LRRC4C: variants seen among roughly 807,000 people sequenced by gnomAD.
LRRC4C encodes the protein leucine rich repeat containing 4C, also known as leucine-rich repeat-containing protein 4C.
A neutral mutation model predicts 33.6 loss-of-function variants in LRRC4C; 5 were observed. The observed-to-expected ratio is 0.15, with a 90% CI of 0.08 to 0.31. The LOEUF (loss-of-function observed/expected upper bound fraction) is 0.31. Among genes scored for constraint, LRRC4C ranks in the 10% least tolerant of loss-of-function variants. The pLI, the probability that LRRC4C is intolerant of heterozygous loss-of-function variation, is 1.00. For missense variants in LRRC4C, 560 were observed against 796.7 expected, an observed-to-expected ratio of 0.70 and a Z score of 3.58; for synonymous variants, 329 against 302.0, an observed-to-expected ratio of 1.09 and a Z score of -0.93.
At chr11:40,726,861 A>G (rs552377842) in intron 2 of LRRC4C, among the ~76,000 whole-genome samples, 5 of 152,264 alleles carry the variant, frequency 3.3e-5, no homozygotes, top group East Asian at 1.9e-4. Context: ...AAAACCCTAA[A>G]AACTCTGCCA....
At chr11:40,761,435 G>C (rs565632256) in intron 2 of LRRC4C, among the ~76,000 whole-genome samples, 3 of 152,114 alleles carry the variant, frequency 2.0e-5, no homozygotes, top group Admixed American at 1.3e-4. Flanking sequence ...TATGTGAAGG[G>C]GTTGAGCTGA....
At chr11:40,510,001 G>T (rs1955231291) in intron 3 of LRRC4C, among the ~76,000 whole-genome samples, 1 of 151,948 alleles carries the variant, frequency 6.6e-6, no homozygotes, top group South Asian at 2.1e-4. Flanking sequence ...TGCACTTTAG[G>T]TCAGGTAATT....
At chr11:40,644,082 T>G (rs1055724778) in intron 3 of LRRC4C, among the ~76,000 whole-genome samples, 9 of 152,300 alleles carry the variant, frequency 5.9e-5, no homozygotes, top group African/African-American at 2.2e-4. Flanking sequence ...TGACTTCAGT[T>G]TCATACCTTA....
intron 1 of LRRC4C, among the ~76,000 whole-genome samples, chr11:41,299,136 G>T (rs986009398): frequency 6.6e-6 from 1 of 152,040 alleles, no homozygotes; most frequent in African/African-American, 2.4e-5. Context: ...GTTCCCTTGG[G>T]TATATACCTA....
intron 4 of LRRC4C, among the ~76,000 whole-genome samples, chr11:40,303,408 G>A (rs1944876729): frequency 6.6e-6 from 1 of 152,114 alleles, no homozygotes; most frequent in African/African-American, 2.4e-5. Flanking sequence ...CTATGAACAT[G>A]GGATGGGCTT....
At chr11:40,950,967 G>A (rs146999957) in intron 1 of LRRC4C, among the ~76,000 whole-genome samples, 6 of 151,250 alleles carry the variant, frequency 4.0e-5, no homozygotes, top group African/African-American at 7.3e-5. Flanking sequence ...TAAAGGCTTT[G>A]TGATATTTTT....
intron 3 of LRRC4C, among the ~76,000 whole-genome samples, chr11:40,609,069 A>AACTAGTAGACATAT (rs1960928833): frequency 6.6e-6 from 1 of 152,114 alleles, no homozygotes; most frequent in Non-Finnish European, 1.5e-5. Context: ...AGATGAATGG[A>AACTAGTAGACATAT]ACTAGTAGAC....
chr11:41,398,529 G>A (rs1953906979), intron 1 of LRRC4C, among the ~76,000 whole-genome samples: 1 of 151,870 alleles, frequency 6.6e-6, no homozygotes, highest in South Asian at 2.1e-4. Flanking sequence ...TCCTAGAAAT[G>A]CAAACAGGAA....
intron 1 of LRRC4C, among the ~76,000 whole-genome samples, chr11:40,936,142 T>G (rs1957888012): frequency 6.9e-6 from 1 of 144,514 alleles, no homozygotes; most frequent in African/African-American, 2.5e-5. Flanking sequence ...GATTTCCAGA[T>G]ATTATAATTA....
chr11:41,437,717 A>T (rs1184530334), intron 1 of LRRC4C, among the ~76,000 whole-genome samples: 2 of 152,090 alleles, frequency 1.3e-5, no homozygotes, highest in Non-Finnish European at 2.9e-5. Context: ...TGCGCTAAAG[A>T]GTATGTTGGA....
chr11:41,279,377 CACAA>C (rs1231879195), intron 1 of LRRC4C, among the ~76,000 whole-genome samples: 15 of 111,492 alleles, frequency 1.3e-4, no homozygotes, highest in African/African-American at 5.8e-4. Flanking sequence ...CATACACACA[CACAA>C]ACACACACAC....
chr11:40,774,480 G>T (rs976063549), intron 2 of LRRC4C, among the ~76,000 whole-genome samples: 1 of 152,056 alleles, frequency 6.6e-6, no homozygotes, highest in Admixed American at 6.6e-5. Flanking sequence ...CATTTGTTAG[G>T]ATAATATACA....
chr11:40,844,982 G>A (rs892456416), intron 2 of LRRC4C, among the ~76,000 whole-genome samples: 1 of 151,406 alleles, frequency 6.6e-6, no homozygotes, highest in Non-Finnish European at 1.5e-5. Flanking sequence ...GAAAGCTAGG[G>A]TTTCTTTTGT....
chr11:40,866,314 A>G (rs1445639411), intron 2 of LRRC4C, among the ~76,000 whole-genome samples: 1 of 152,160 alleles, frequency 6.6e-6, no homozygotes, highest in Non-Finnish European at 1.5e-5. Context: ...ACAACCCAAA[A>G]AGGTCAGAAA....
At chr11:40,357,977 G>C (rs1450046458) in intron 3 of LRRC4C, among the ~76,000 whole-genome samples, 1 of 152,078 alleles carries the variant, frequency 6.6e-6, no homozygotes, top group Non-Finnish European at 1.5e-5. Context: ...GAGGTCAGGA[G>C]ATCAAGACCA....
At chr11:40,817,874 T>C (rs948173174) in intron 2 of LRRC4C, among the ~76,000 whole-genome samples, 1 of 152,168 alleles carries the variant, frequency 6.6e-6, no homozygotes, top group Non-Finnish European at 1.5e-5. Flanking sequence ...TATACTTCTA[T>C]GCTTTTCTAT....
intron 2 of LRRC4C, among the ~76,000 whole-genome samples, chr11:40,901,999 T>TAC (rs369525560): frequency 0.082 from 11,480 of 139,612 alleles, 465 homozygotes; most frequent in Admixed American, 0.11. Context: ...TCTCTCTCTC[T>TAC]ACACACACAC....
rs534970211 is a variant in LRRC4C at position 41,087,514 on chromosome 11, G to T, written c.-495-153791C>A. ...GGTATATGTTAGTAATTTTTTTAAGGGACAGGATTTTGCGATATTACCCAG... is the reference window on the plus strand; with the variant it reads ...GGTATATGTTAGTAATTTTTTTAAGTGACAGGATTTTGCGATATTACCCAG... On this transcript the variant is annotated intron_variant, in intron 1 of 6. Coordinates refer to ENST00000528697, the MANE Select transcript of LRRC4C (RefSeq NM_001258419.2). Among the ~76,000 whole-genome samples, 7 of 151,962 alleles carry T rather than the reference G, an allele frequency of 4.6e-5. No individual in the cohort carries two copies. In the East Asian group the frequency reaches 1.4e-3, roughly 29 times the overall value.
intron 1 of LRRC4C, among the ~76,000 whole-genome samples, chr11:41,085,027 C>T (rs886640761): frequency 6.6e-6 from 1 of 152,146 alleles, no homozygotes. Flanking sequence ...CAATATTAGC[C>T]AAGATCGACA....
Sources: gnomAD v4.1 joint callset for allele counts (sites outside exome capture counted in the v4.1 genomes callset) on GRCh38, gnomAD v4.1.1 for gene constraint, MANE v1.5 for transcripts, NCBI Gene and HGNC (gene_info 2026-07-23, HGNC 2026-07-21) for gene names.